The following GABRG2 variants were observed in gnomAD, a reference collection of about 807,000 sequenced individuals.
The protein encoded by GABRG2 is gamma-aminobutyric acid receptor subunit gamma-2.
GABRG2 carries 16 observed loss-of-function variants against 56.4 expected under a neutral mutation model. The observed-to-expected ratio is 0.28, with a 90% CI of 0.19 to 0.43. The LOEUF (loss-of-function observed/expected upper bound fraction) is 0.43, where lower values mean the gene tolerates loss of function less well. Ranked by LOEUF, GABRG2 falls within the 20% of genes least tolerant of loss-of-function variation. The pLI, the probability that GABRG2 is intolerant of heterozygous loss-of-function variation, is 1.00. For missense variants in GABRG2, 327 were observed against 582.7 expected, an observed-to-expected ratio of 0.56 and a Z score of 4.52; for synonymous variants, 208 against 205.5, an observed-to-expected ratio of 1.01 and a Z score of -0.10.
chr5:162,077,194 G>A (rs573883347), intron 1 of GABRG2, among the ~76,000 whole-genome samples: 1 of 151,268 alleles, frequency 6.6e-6, no homozygotes, highest in South Asian at 2.1e-4. Flanking sequence ...CTTGCCCCTG[G>A]TAGCCTCTTT....
At chr5:162,110,317 TG>T (rs771772150) in intron 6 of GABRG2, among the ~76,000 whole-genome samples, 7 of 152,132 alleles carry the variant, frequency 4.6e-5, no homozygotes, top group Non-Finnish European at 1.0e-4. Flanking sequence ...CCCATCATAC[TG>T]TTCCCTTCCC....
intron 8 of GABRG2, 24 bp from the exon 9 acceptor site, chr5:162,151,706 T>A (rs1309560182): frequency 1.3e-6 from 2 of 1,597,826 alleles, no homozygotes; most frequent in South Asian, 1.1e-5. Context: ...AATGCAATTC[T>A]CTTTTCTGTC....
chr5:162,109,854 G>A (rs1762133598), intron 6 of GABRG2, among the ~76,000 whole-genome samples: 1 of 152,028 alleles, frequency 6.6e-6, no homozygotes, highest in Non-Finnish European at 1.5e-5. Flanking sequence ...GGCTAGAAAA[G>A]TGGACAAATG....
intron 8 of GABRG2, 54 bp from the exon 9 acceptor site, chr5:162,151,676 T>C (rs1332649047): frequency 1.0e-5 from 15 of 1,451,206 alleles, no homozygotes; most frequent in Middle Eastern, 1.8e-4. Flanking sequence ...TCATTTTTTT[T>C]CTCCTTTTTA....
chr5:162,103,683 C>T, intron 5 of GABRG2: 1 of 595,138 alleles, frequency 1.7e-6, no homozygotes, highest in South Asian at 2.0e-5. Flanking sequence ...TAAATTTGAC[C>T]TTTGGATTTT....
chr5:162,155,123 C>T lies in GABRG2; in HGVS notation c.*1755C>T, dbSNP rs2113658291. On this transcript the variant is annotated 3_prime_UTR_variant, in exon 10 of 10. Transcript: ENST00000639213. Reference sequence around the variant, plus strand: ...TTGTCAGTATAAAACCATGTAAAGTCATCATCAAGTCATCTGGATGAATCT... The same window carrying T: ...TTGTCAGTATAAAACCATGTAAAGTTATCATCAAGTCATCTGGATGAATCT... 6.6e-6 allele frequency: 1 copy of T among 152,606 alleles called. No individual in the cohort carries two copies. Among genetic ancestry groups the T allele is most frequent in the East Asian group, 1.9e-4 (1 of 5,176 alleles). The allele number at this position is 152,606 out of a possible 1,614,324, so 9.5% of individuals were successfully genotyped here. A position where few individuals can be genotyped will look rare whatever the true frequency, so the allele number is the denominator to read the frequency against.
At chr5:162,117,705 T>C (rs1263310365) in intron 6 of GABRG2, among the ~76,000 whole-genome samples, 3 of 152,246 alleles carry the variant, frequency 2.0e-5, no homozygotes, top group East Asian at 1.9e-4. Flanking sequence ...TTAACAAGTG[T>C]AGGGGACCCC....
chr5:162,116,872 C>T (rs975162728), intron 6 of GABRG2, among the ~76,000 whole-genome samples: 3 of 152,036 alleles, frequency 2.0e-5, no homozygotes, highest in Admixed American at 2.0e-4. Flanking sequence ...TTCCTAATCA[C>T]GTGAATGGGG....
At chr5:162,115,972 A>G (rs1455114111) in intron 6 of GABRG2, among the ~76,000 whole-genome samples, 1 of 152,034 alleles carries the variant, frequency 6.6e-6, no homozygotes, top group African/African-American at 2.4e-5. Flanking sequence ...TCCAGGTACA[A>G]CCAACCTTGT....
intron 8 of GABRG2, chr5:162,150,551 G>C (rs1765295906): frequency 6.6e-6 from 1 of 152,318 alleles, no homozygotes; most frequent in Non-Finnish European, 1.5e-5. Context: ...CCCCATGAAA[G>C]TTAAGGTCCA....
intron 1 of GABRG2, among the ~76,000 whole-genome samples, chr5:162,075,687 A>G (rs1166397797): frequency 6.6e-6 from 1 of 152,072 alleles, no homozygotes; most frequent in Non-Finnish European, 1.5e-5. Context: ...TTCTTTTCCT[A>G]AAAAGGAAAT....
chr5:162,113,680 C>A (rs1472461775), intron 6 of GABRG2, among the ~76,000 whole-genome samples: 1 of 152,104 alleles, frequency 6.6e-6, no homozygotes, highest in African/African-American at 2.4e-5. Flanking sequence ...CACCATGTAC[C>A]AATGATATAC....
At chr5:162,139,260 C>G (rs1389491199) in intron 6 of GABRG2, among the ~76,000 whole-genome samples, 1 of 152,140 alleles carries the variant, frequency 6.6e-6, no homozygotes, top group East Asian at 1.9e-4. Context: ...GCAGAAGTAA[C>G]CACCTTTGAC....
intron 1 of GABRG2, among the ~76,000 whole-genome samples, chr5:162,088,909 G>A (rs982210570): frequency 2.0e-4 from 30 of 152,038 alleles, no homozygotes; most frequent in African/African-American, 7.2e-4. Flanking sequence ...TGACTTCTCC[G>A]AGGAAAACTG....
chr5:162,102,884 A>G lies in GABRG2; in HGVS notation c.632-1005A>G, dbSNP rs544531195. 2.3e-5 allele frequency: 4 copies of G among 171,158 alleles called. No homozygotes were observed. The South Asian group carries it at 5.4e-4, about 23-fold the overall frequency. The allele number at this position is 171,158 out of a possible 1,614,324, so 10.6% of individuals were successfully genotyped here. A position where few individuals can be genotyped will look rare whatever the true frequency, so the allele number is the denominator to read the frequency against. On this transcript the variant is annotated intron_variant, in intron 5 of 9. Transcript: ENST00000639213. ...ACATATAATAGATAAAGCTGCATCA[A>G]AAGGAACAGAAAGGGGGAACTATGT...
chr5:162,072,204 T>A (rs571908781), intron 1 of GABRG2, among the ~76,000 whole-genome samples: 1 of 152,032 alleles, frequency 6.6e-6, no homozygotes, highest in South Asian at 2.1e-4. Context: ...CCGTTCAGAT[T>A]GGAAGGAAGT....
chr5:162,094,279 C>G (rs951980085), intron 2 of GABRG2: 1 of 381,374 alleles, frequency 2.6e-6, no homozygotes, highest in African/African-American at 2.1e-5. Flanking sequence ...CTTTATGAAG[C>G]AACATAAACA....
intron 1 of GABRG2, among the ~76,000 whole-genome samples, chr5:162,077,836 G>T (rs889963447): frequency 6.6e-6 from 1 of 152,092 alleles, no homozygotes; most frequent in Non-Finnish European, 1.5e-5. Context: ...CTCCAATGTG[G>T]CTATTAAAAG....
chr5:162,080,321 G>A (rs937026517), intron 1 of GABRG2, among the ~76,000 whole-genome samples: 1 of 152,068 alleles, frequency 6.6e-6, no homozygotes, highest in Non-Finnish European at 1.5e-5. Flanking sequence ...GGCCAGGGAA[G>A]GCAATTATGA....
Sources: gnomAD v4.1 joint callset for allele counts (sites outside exome capture counted in the v4.1 genomes callset) on GRCh38, gnomAD v4.1.1 for gene constraint, MANE v1.5 for transcripts, NCBI Gene and HGNC (gene_info 2026-07-23, HGNC 2026-07-21) for gene names.